AJAP1: variants seen among roughly 807,000 people sequenced by gnomAD.
AJAP1 encodes adherens junction-associated protein 1.
A neutral mutation model predicts 35.0 loss-of-function variants in AJAP1; 5 were observed. That is an observed-to-expected ratio of 0.14 (90% CI 0.07 to 0.30). The LOEUF (loss-of-function observed/expected upper bound fraction) is 0.30, where lower values mean the gene tolerates loss of function less well. Ranked by LOEUF, AJAP1 falls within the 10% of genes least tolerant of loss-of-function variation. The probability of loss-of-function intolerance (pLI) is 1.00; values close to 1 mark genes in which losing one functional copy is unlikely to be tolerated. For missense variants in AJAP1, 586 were observed against 571.0 expected, an observed-to-expected ratio of 1.03 and a Z score of -0.27; for synonymous variants, 284 against 249.3, an observed-to-expected ratio of 1.14 and a Z score of -1.31.
At chr1:4,740,285 T>G (rs1227898608) in intron 2 of AJAP1, among the ~76,000 whole-genome samples, 3 of 71,584 alleles carry the variant, frequency 4.2e-5, no homozygotes, top group Non-Finnish European at 5.6e-5. Flanking sequence ...TCTGTCAGAT[T>G]CTACTCATAT....
At chr1:4,669,436 A>G (rs61353382) in intron 1 of AJAP1, among the ~76,000 whole-genome samples, 4,828 of 152,238 alleles carry the variant, frequency 0.032, 268 homozygotes, top group African/African-American at 0.11. Flanking sequence ...GGCAAAGGAG[A>G]AGCAGGCACC....
intron 1 of AJAP1, among the ~76,000 whole-genome samples, chr1:4,710,273 C>G (rs1640200229): frequency 6.6e-6 from 1 of 152,128 alleles, no homozygotes; most frequent in South Asian, 2.1e-4. Context: ...CACAGTCACA[C>G]AACAGTACAC....
chr1:4,725,742 A>G (rs1640640054), intron 2 of AJAP1, among the ~76,000 whole-genome samples: 1 of 152,004 alleles, frequency 6.6e-6, no homozygotes, highest in South Asian at 2.1e-4. Context: ...GGGTGTCGGG[A>G]GGGCCGGCTC....
chr1:4,767,668 T>C (rs1160648862), intron 2 of AJAP1, among the ~76,000 whole-genome samples: 3 of 151,172 alleles, frequency 2.0e-5, no homozygotes, highest in Admixed American at 1.3e-4. Context: ...TCATCACTAT[T>C]ATCATCACCA....
intron 1 of AJAP1, among the ~76,000 whole-genome samples, chr1:4,689,105 C>T (rs1042538421): frequency 2.6e-5 from 4 of 152,060 alleles, no homozygotes; most frequent in East Asian, 1.9e-4. Flanking sequence ...CCTGCGGCTT[C>T]GGTCTTCAGT....
intron 1 of AJAP1, among the ~76,000 whole-genome samples, chr1:4,700,520 G>T (rs1639962679): frequency 6.6e-6 from 1 of 152,180 alleles, no homozygotes; most frequent in Non-Finnish European, 1.5e-5. Context: ...GCTCTTCTGA[G>T]CCACTTCCCT....
intron 1 of AJAP1, among the ~76,000 whole-genome samples, chr1:4,710,172 A>ACC (rs754352912): frequency 6.6e-6 from 1 of 151,776 alleles, no homozygotes; most frequent in African/African-American, 2.4e-5. Context: ...TCACACAGAC[A>ACC]CACTCACACA....
rs545616303 is a variant in AJAP1, at chr1:4,723,086, C to T, written c.829+10387C>T. Among the ~76,000 whole-genome samples the T allele has an allele frequency of 1.1e-4, 16 of 152,230 alleles. No individual in the cohort carries two copies. The highest frequency in any genetic ancestry group is 3.6e-4 in the African/African-American group (15 of 41,524). On this transcript the variant is annotated intron_variant, in intron 2 of 5. Coordinates refer to ENST00000378191, the MANE Select transcript of AJAP1 (RefSeq NM_018836.4). This position sits in a 1 kb window ranked among gnomAD's most constrained non-coding sequence, Gnocchi z 4.3. ...TGATAACTTGTAGAGAGGTGGGACG[C>T]GAGCCCCAAGAGAGCATCGGCTGGG...
chr1:4,673,996 A>C (rs1237400280), intron 1 of AJAP1, among the ~76,000 whole-genome samples: 3 of 146,656 alleles, frequency 2.0e-5, no homozygotes. Context: ...TTTTAGTATA[A>C]CTATGTTCCA....
chr1:4,761,772 T>C (rs1019839247), intron 2 of AJAP1, among the ~76,000 whole-genome samples: 3 of 152,160 alleles, frequency 2.0e-5, no homozygotes, highest in Non-Finnish European at 4.4e-5. Flanking sequence ...GCAGGAAGCA[T>C]CCAACATGGG....
intron 2 of AJAP1, among the ~76,000 whole-genome samples, chr1:4,761,690 G>C (rs558623876): frequency 6.6e-6 from 1 of 152,184 alleles, no homozygotes; most frequent in African/African-American, 2.4e-5. Context: ...ACAATAGGCC[G>C]TCTGCAAGCT....
intron 2 of AJAP1, among the ~76,000 whole-genome samples, chr1:4,717,486 G>A (rs540257315): frequency 2.0e-5 from 3 of 152,246 alleles, no homozygotes; most frequent in African/African-American, 7.2e-5. Flanking sequence ...TCACGTATTC[G>A]TGACATCCAG....
At chr1:4,673,015 A>G (rs2100518190) in intron 1 of AJAP1, among the ~76,000 whole-genome samples, 1 of 152,346 alleles carries the variant, frequency 6.6e-6, no homozygotes, top group African/African-American at 2.4e-5. Flanking sequence ...GAGTGCTTCC[A>G]GTCGAGGTGG....
At chr1:4,671,081 A>G (rs897449411) in intron 1 of AJAP1, among the ~76,000 whole-genome samples, 4 of 152,322 alleles carry the variant, frequency 2.6e-5, no homozygotes, top group African/African-American at 9.6e-5. Flanking sequence ...TAGAGTCTGC[A>G]TCACAGGCCA....
chr1:4,708,236 G>A lies in AJAP1; in HGVS notation c.30-3664G>A, dbSNP rs145534019. Among the ~76,000 whole-genome samples the A allele has an allele frequency of 3.8e-3, 571 of 152,166 alleles. 1 individual carries two copies. The highest frequency in any genetic ancestry group is 5.8e-3 in the Admixed American group (89 of 15,302). The stretch of plus-strand genomic sequence containing the variant: ...CCACCTCGGCCTCCCAAAGTGCTGG[G>A]ATTACAGGCGTGAGCCACCATGTCT... On this transcript the variant is annotated intron_variant, in intron 1 of 5. Coordinates refer to ENST00000378191, the MANE Select transcript of AJAP1 (RefSeq NM_018836.4).
chr1:4,727,037 G>A (rs750209791), intron 2 of AJAP1, among the ~76,000 whole-genome samples: 17 of 152,312 alleles, frequency 1.1e-4, no homozygotes, highest in African/African-American at 3.6e-4. Context: ...GCCACCCCCC[G>A]CAGCGAGCCA....
At chr1:4,670,669 G>A (rs1052634580) in intron 1 of AJAP1, among the ~76,000 whole-genome samples, 4 of 152,194 alleles carry the variant, frequency 2.6e-5, no homozygotes, top group Non-Finnish European at 5.9e-5. Context: ...CCAGGTTGTC[G>A]AGCCATGACG....
rs1217766963 is a variant in AJAP1, at chr1:4,655,825, G to T, written c.29+371G>T. On this transcript the variant is annotated intron_variant, in intron 1 of 5. Transcript: ENST00000378191. This position sits in a 1 kb window ranked among gnomAD's most constrained non-coding sequence, Gnocchi z 6.9. ...CCCGGGGCGAGGCGCCGGCCGCTGG[G>T]CGCGGCGGGCGCGGGGGCCGGGGCT... 6.7e-6 allele frequency among the ~76,000 whole-genome samples: 1 copy of T among 149,156 alleles called. No individual in the cohort carries two copies. Among genetic ancestry groups the T allele is most frequent in the Non-Finnish European group, 1.5e-5 (1 of 67,002 alleles).
At chr1:4,781,098 G>A (rs1186419436) in intron 5 of AJAP1, among the ~76,000 whole-genome samples, 3 of 152,140 alleles carry the variant, frequency 2.0e-5, no homozygotes, top group Admixed American at 1.3e-4. Flanking sequence ...GATCAGAGAC[G>A]CAGTGCTGAT....
Sources: gnomAD v4.1 joint callset for allele counts (sites outside exome capture counted in the v4.1 genomes callset) on GRCh38, gnomAD v4.1.1 for gene constraint, Gnocchi (gnomAD v3.1) non-coding constraint, MANE v1.5 for transcripts, NCBI Gene and HGNC (gene_info 2026-07-23, HGNC 2026-07-21) for gene names.